FER: variants seen among roughly 807,000 people sequenced by gnomAD.
The protein encoded by FER is tyrosine-protein kinase Fer.
In FER, 63 loss-of-function variants were observed where a neutral mutation model predicts 111.0. The ratio of observed to expected loss-of-function variants is 0.57; its 90% confidence interval spans 0.46 to 0.70. FER has a LOEUF of 0.70. Among genes scored for constraint, FER ranks in the 30% least tolerant of loss-of-function variants. The pLI is 0.00. For missense variants in FER, 914 were observed against 954.0 expected, an observed-to-expected ratio of 0.96 and a Z score of 0.55; for synonymous variants, 327 against 313.9, an observed-to-expected ratio of 1.04 and a Z score of -0.44.
intron 13 of FER, among the ~76,000 whole-genome samples, chr5:109,035,095 G>A (rs185796361): frequency 0.012 from 1,759 of 144,796 alleles, 18 homozygotes; most frequent in Non-Finnish European, 0.02. Flanking sequence ...GTGCAGTGGC[G>A]CAATCTTGGC....
rs573609070 is a variant in FER at position 109,188,607 on chromosome 5, TAAAC to T, written c.*1042_*1045del. The stretch of plus-strand genomic sequence containing the variant: ...TCAGAGTTATGCCTTTCTAAACATC[TAAAC>T]AAACAAACATTCACATATTCTATTC... On this transcript the variant is annotated 3_prime_UTR_variant, in exon 20 of 20. Coordinates refer to ENST00000281092, the MANE Select transcript of FER (RefSeq NM_005246.4). The T allele has an allele frequency of 2.0e-4, 31 of 152,186 alleles. No individual in the cohort carries two copies. In the East Asian group the frequency reaches 2.3e-3, roughly 11 times the overall value. The allele number at this position is 152,186 out of a possible 1,614,324, so 9.4% of individuals were successfully genotyped here. A position where few individuals can be genotyped will look rare whatever the true frequency, so the allele number is the denominator to read the frequency against.
intron 17 of FER, among the ~76,000 whole-genome samples, chr5:109,142,109 C>T (rs1053925500): frequency 6.6e-6 from 1 of 152,148 alleles, no homozygotes; most frequent in South Asian, 2.1e-4. Flanking sequence ...GAAGAAAAGG[C>T]ATTCATAATC....
At chr5:109,140,262 A>G (rs62376767) in intron 17 of FER, among the ~76,000 whole-genome samples, 2,023 of 152,328 alleles carry the variant, frequency 0.013, 17 homozygotes, top group Middle Eastern at 0.051. Flanking sequence ...AACTAAAATC[A>G]TATCTAAAAT....
intron 4 of FER, among the ~76,000 whole-genome samples, chr5:108,834,284 T>A (rs184084622): frequency 6.6e-6 from 1 of 152,198 alleles, no homozygotes; most frequent in Non-Finnish European, 1.5e-5. Flanking sequence ...GAGTACATCA[T>A]AGGTGGTGGT....
chr5:109,137,773 A>G (rs1421446115), intron 17 of FER, among the ~76,000 whole-genome samples: 2 of 152,220 alleles, frequency 1.3e-5, no homozygotes, highest in South Asian at 2.1e-4. Flanking sequence ...GCTTCAACCC[A>G]GTGAGAAAAG....
intron 1 of FER, among the ~76,000 whole-genome samples, chr5:108,766,292 A>G (rs955550118): frequency 9.9e-5 from 15 of 152,164 alleles, no homozygotes; most frequent in Non-Finnish European, 1.8e-4. Flanking sequence ...TTATATAACA[A>G]CTCTTGTTGA....
intron 9 of FER, among the ~76,000 whole-genome samples, chr5:108,892,736 C>G (rs1283989789): frequency 6.6e-6 from 1 of 152,166 alleles, no homozygotes; most frequent in Non-Finnish European, 1.5e-5. Context: ...ACATGAAGTC[C>G]TTGCCCATGC....
At chr5:109,022,692 A>G (rs1768093738) in intron 13 of FER, among the ~76,000 whole-genome samples, 1 of 152,136 alleles carries the variant, frequency 6.6e-6, no homozygotes, top group African/African-American at 2.4e-5. Flanking sequence ...AGGAGACACG[A>G]TTCAAGTCAA....
At chr5:108,987,376 G>A (rs1011805552) in intron 13 of FER, among the ~76,000 whole-genome samples, 24 of 152,242 alleles carry the variant, frequency 1.6e-4, no homozygotes, top group African/African-American at 5.3e-4. Context: ...AACCTGGGAG[G>A]TGGAGGTTGC....
chr5:108,932,927 A>T, intron 10 of FER, among the ~76,000 whole-genome samples: 2 of 142,598 alleles, frequency 1.4e-5, no homozygotes, highest in South Asian at 2.3e-4. Flanking sequence ...TAGATTCTGG[A>T]TATTAGCCCT....
intron 13 of FER, among the ~76,000 whole-genome samples, chr5:108,998,199 A>T (rs565641647): frequency 5.3e-5 from 8 of 151,746 alleles, no homozygotes; most frequent in Admixed American, 2.0e-4. Context: ...AAAAAAAAAA[A>T]AAAAAACTCT....
chr5:108,925,798 A>G (rs1753654523), intron 10 of FER, among the ~76,000 whole-genome samples: 1 of 152,112 alleles, frequency 6.6e-6, no homozygotes, highest in Non-Finnish European at 1.5e-5. Context: ...CTGTTTGTAA[A>G]TATAATGACC....
chr5:108,751,983 A>G (rs1750560170), intron 1 of FER, among the ~76,000 whole-genome samples: 1 of 151,996 alleles, frequency 6.6e-6, no homozygotes, highest in Non-Finnish European at 1.5e-5. Flanking sequence ...TCATATAGTA[A>G]TTTCTTAAAT....
At chr5:109,067,836 T>C (rs1775299732) in intron 16 of FER, among the ~76,000 whole-genome samples, 2 of 152,188 alleles carry the variant, frequency 1.3e-5, no homozygotes, top group South Asian at 4.1e-4. Context: ...AGCATTCGAT[T>C]TGAACTCAAG....
rs746896076 is a variant in FER at position 109,044,769 on chromosome 5, G to A, written c.1803G>A (p.Leu601=). Residue 601 remains leucine (L), a synonymous_variant, in exon 15 of 20, where the codon TTG becomes TTA. Coordinates refer to ENST00000281092, the MANE Select transcript of FER (RefSeq NM_005246.4). ...GTAAAGAAGATCTTCCTCAGGAATT[G>A]AAAATAAAATTTTTACAAGAAGCCA... is the stretch of plus-strand genomic sequence containing the variant. ...KTCKEDLPQE[L]KIKFLQEAKI... 7.6e-6 allele frequency: 12 copies of A among 1,572,880 alleles called. No individual in the cohort carries two copies. The highest frequency in any genetic ancestry group is 9.5e-6 in the Non-Finnish European group (11 of 1,161,308).
chr5:108,845,031 T>C (rs1397820762), intron 5 of FER, among the ~76,000 whole-genome samples: 35 of 56,008 alleles, frequency 6.2e-4, no homozygotes, highest in African/African-American at 1.6e-3. Flanking sequence ...TATATATATA[T>C]ATATATATAC....
Position 109,187,509 on chromosome 5 carries a change from T to G in FER, c.2403T>G (p.Pro801=), listed in dbSNP as rs772104790. The G allele has an allele frequency of 7.4e-6, 12 of 1,614,096 alleles. No homozygotes were observed. In the South Asian group the frequency reaches 1.3e-4, roughly 18 times the overall value. ...TGATGAAGTGTTGGGATTATAAACC[T>G]GAAAATCGCCCTAAGTTCAGTGAAC... is the stretch of plus-strand genomic sequence containing the variant. The part of the protein sequence containing the change: ...KIMMKCWDYK[P]ENRPKFSELQ... Residue 801 remains proline (P), a synonymous_variant, in exon 20 of 20, where the codon CCT becomes CCG. Transcript: ENST00000281092.
intron 5 of FER, among the ~76,000 whole-genome samples, chr5:108,859,361 C>A (rs562293764): frequency 2.6e-5 from 4 of 152,218 alleles, no homozygotes; most frequent in South Asian, 4.2e-4. Flanking sequence ...GCCTCACCCC[C>A]CAACACCCAC....
intron 17 of FER, among the ~76,000 whole-genome samples, chr5:109,120,919 G>A (rs1306985403): frequency 1.3e-5 from 2 of 152,050 alleles, no homozygotes; most frequent in Non-Finnish European, 2.9e-5. Flanking sequence ...ATATGGAAAT[G>A]CTACTAATTT....
Sources: allele counts gnomAD v4.1 joint callset (sites outside exome capture counted in the v4.1 genomes callset), GRCh38; gene constraint gnomAD v4.1.1; transcripts MANE v1.5; gene names NCBI Gene and HGNC (gene_info 2026-07-23, HGNC 2026-07-21).